Variants in GPM6B observed in about 807,000 individuals in gnomAD.
GPM6B encodes glycoprotein M6B, also known as neuronal membrane glycoprotein M6-b.
GPM6B carries 4 observed loss-of-function variants against 27.2 expected under a neutral mutation model. The observed-to-expected ratio is 0.15, with a 90% CI of 0.07 to 0.34. GPM6B has a LOEUF of 0.34. Among genes scored for constraint, GPM6B ranks in the 10% least tolerant of loss-of-function variants. The pLI is 1.00. For missense variants in GPM6B, 183 were observed against 261.9 expected (o/e 0.70, Z 2.08); for synonymous variants, 124 against 103.1 (o/e 1.20, Z -1.23).
At chrX:13,858,064 G>A in intron 1 of GPM6B, among the ~76,000 whole-genome samples, 1 of 112,414 alleles carries the variant, frequency 8.9e-6, no homozygotes, top group South Asian at 3.7e-4. Flanking sequence ...CAGACAAGTT[G>A]AGGCAAGGAG....
intron 1 of GPM6B, among the ~76,000 whole-genome samples, chrX:13,865,447 C>T (rs56065209): frequency 7.7e-5 from 8 of 103,316 alleles, no homozygotes; most frequent in Admixed American, 2.2e-4. Flanking sequence ...AAACCCCATT[C>T]TCAGCCAGGC....
At chrX:13,837,724 G>GGGGGGGGGGGGGC (rs1555918783) in intron 1 of GPM6B, among the ~76,000 whole-genome samples, 1 of 32,882 alleles carries the variant, frequency 3.0e-5, no homozygotes, top group Non-Finnish European at 8.1e-5. Flanking sequence ...GGGGGGGGGG[G>GGGGGGGGGGGGGC]GGGGAAGCAG....
At chrX:13,904,459 A>G (rs1342127218) in intron 1 of GPM6B, among the ~76,000 whole-genome samples, 1 of 111,688 alleles carries the variant, frequency 9.0e-6, no homozygotes, top group Non-Finnish European at 1.9e-5. Flanking sequence ...CCTGAGTTCT[A>G]TCCCCCACAG....
chrX:13,783,236 G>A, intron 4 of GPM6B, 129 bp downstream of exon 4: 1 of 502,068 alleles, frequency 2.0e-6, no homozygotes, highest in Non-Finnish European at 3.3e-6. Context: ...AATTGGTAAA[G>A]CCAATATTTG....
chrX:13,812,299 C>T (rs1033304772), intron 1 of GPM6B, among the ~76,000 whole-genome samples: 6 of 109,996 alleles, frequency 5.5e-5, no homozygotes, highest in South Asian at 7.6e-4. Flanking sequence ...TTGATCCGCC[C>T]GCCTCGGCCT....
intron 1 of GPM6B, among the ~76,000 whole-genome samples, chrX:13,928,990 C>A (rs1603147460): frequency 8.9e-6 from 1 of 111,998 alleles, no homozygotes; most frequent in East Asian, 2.8e-4. Flanking sequence ...AGTCCTTTCT[C>A]TTCCAACTCC....
intron 2 of GPM6B, among the ~76,000 whole-genome samples, chrX:13,787,068 A>G (rs1207781172): frequency 9.4e-6 from 1 of 105,902 alleles, no homozygotes; most frequent in Non-Finnish European, 1.9e-5. Context: ...AAAAAAAAAA[A>G]ATCCCCCAAA....
chrX:13,878,656 C>T (rs2050064375), intron 1 of GPM6B, among the ~76,000 whole-genome samples: 1 of 111,798 alleles, frequency 8.9e-6, no homozygotes, highest in Admixed American at 9.5e-5. Flanking sequence ...TGTCCACATC[C>T]TAATCCTTGG....
At chrX:13,828,171 C>T (rs774567044) in intron 1 of GPM6B, among the ~76,000 whole-genome samples, 12 of 111,955 alleles carry the variant, frequency 1.1e-4, no homozygotes, top group South Asian at 3.8e-4. Context: ...ATGGTTTGAA[C>T]GTATCCCCAA....
At chrX:13,914,176 T>C (rs2050406686) in intron 1 of GPM6B, among the ~76,000 whole-genome samples, 1 of 112,417 alleles carries the variant, frequency 8.9e-6, no homozygotes, top group Non-Finnish European at 1.9e-5. Context: ...AATCAAATTA[T>C]TCTAACATCT....
At chrX:13,780,528 G>T (rs763306004) in intron 4 of GPM6B, among the ~76,000 whole-genome samples, 1 of 112,271 alleles carries the variant, frequency 8.9e-6, no homozygotes, top group East Asian at 2.8e-4. Flanking sequence ...CTAGTTTCCT[G>T]ATTCTGCAAA....
At chrX:13,912,039 G>C (rs1324773288) in intron 1 of GPM6B, among the ~76,000 whole-genome samples, 3 of 111,564 alleles carry the variant, frequency 2.7e-5, no homozygotes, top group Non-Finnish European at 5.6e-5. Context: ...ACCACCAGAC[G>C]CCCTTCCCCA....
rs796275652 is a variant in GPM6B at position 13,861,035 on chromosome X, CACACACACATATAT to C, written c.-197-75241_-197-75228del. ...ACACACACACACACACACACACACA[CACACACACATATAT>C]ACATATATATACACATACATATATA... On this transcript the variant is annotated intron_variant, in intron 1 of 6. Coordinates refer to the GPM6B transcript ENST00000398361. Among the ~76,000 whole-genome samples, 1,109 of 64,396 alleles carry C rather than the reference CACACACACATATAT, an allele frequency of 0.017. 36 individuals carry two copies. The South Asian group carries it at 0.32, about 19-fold the overall frequency. The allele number at this position is 64,396 out of a possible 115,157, so 55.9% of individuals were successfully genotyped here.
chrX:13,912,640 T>C (rs1245597943), intron 1 of GPM6B, among the ~76,000 whole-genome samples: 2 of 111,774 alleles, frequency 1.8e-5, no homozygotes, highest in African/African-American at 3.2e-5. Context: ...GAGCCAATAA[T>C]GTGAAGGCAA....
At chrX:13,804,431 G>A (rs1434091826) in intron 2 of GPM6B, among the ~76,000 whole-genome samples, 1 of 51,645 alleles carries the variant, frequency 1.9e-5, no homozygotes, top group African/African-American at 8.2e-5. Context: ...GGGGGCGGGG[G>A]GCGGGGGTAG....
chrX:13,855,615 T>C (rs1004845959), intron 1 of GPM6B, among the ~76,000 whole-genome samples: 2 of 112,149 alleles, frequency 1.8e-5, no homozygotes, highest in African/African-American at 6.5e-5. Context: ...GCAAAAAATT[T>C]CAAAATTGCT....
At chrX:13,894,148 G>A (rs1033468507) in intron 1 of GPM6B, among the ~76,000 whole-genome samples, 22 of 111,768 alleles carry the variant, frequency 2.0e-4, no homozygotes, top group African/African-American at 6.5e-4. Flanking sequence ...AACACTCACC[G>A]TTTCCACATA....
At chrX:13,822,523 C>T (rs1406249450) in intron 1 of GPM6B, among the ~76,000 whole-genome samples, 1 of 109,497 alleles carries the variant, frequency 9.1e-6, no homozygotes, top group African/African-American at 3.3e-5. Flanking sequence ...GGGGCCACCA[C>T]GCCCAGCTAA....
chrX:13,806,621 T>A (rs1469754845), intron 2 of GPM6B, among the ~76,000 whole-genome samples: 3 of 112,065 alleles, frequency 2.7e-5, no homozygotes, highest in Non-Finnish European at 5.6e-5. Flanking sequence ...ACAACACAAT[T>A]TAGATTTTAA....
Sources: gnomAD v4.1 joint callset for allele counts (sites outside exome capture counted in the v4.1 genomes callset) on GRCh38, gnomAD v4.1.1 for gene constraint, MANE v1.5 for transcripts, NCBI Gene and HGNC (gene_info 2026-07-23, HGNC 2026-07-21) for gene names.